SENP5: variants seen among roughly 807,000 people sequenced by gnomAD.
The protein encoded by SENP5 is SUMO specific peptidase 5, also known as sentrin-specific protease 5.
SENP5 carries 21 observed loss-of-function variants against 74.2 expected under a neutral mutation model. That is an observed-to-expected ratio of 0.28 (90% confidence interval 0.20 to 0.41). The LOEUF is 0.41. Ranked by LOEUF, SENP5 falls within the 10% of genes least tolerant of loss-of-function variation. The pLI is 1.00. For missense variants in SENP5, 717 were observed against 889.1 expected (o/e 0.81, Z 2.46); for synonymous variants, 311 against 312.7 (o/e 0.99, Z 0.06).
At chr3:196,874,654 G>A (rs1713374276) in intron 1 of SENP5, among the ~76,000 whole-genome samples, 1 of 152,218 alleles carries the variant, frequency 6.6e-6, no homozygotes, top group African/African-American at 2.4e-5. Context: ...GCTGAGTTGG[G>A]TGGATCACCT....
At chr3:196,872,491 T>TA (rs1258477219) in intron 1 of SENP5, among the ~76,000 whole-genome samples, 2 of 140,734 alleles carry the variant, frequency 1.4e-5, no homozygotes, top group African/African-American at 6.5e-5. Flanking sequence ...GTATTCGTTA[T>TA]GTAAACACTC....
intron 7 of SENP5, among the ~76,000 whole-genome samples, chr3:196,925,367 C>T (rs1019220616): frequency 3.3e-5 from 5 of 152,176 alleles, no homozygotes; most frequent in African/African-American, 1.2e-4. Context: ...CAGATGTGAG[C>T]GTCTTTTCCA....
At chr3:196,879,856 C>T (rs563624756) in intron 1 of SENP5, among the ~76,000 whole-genome samples, 7 of 152,004 alleles carry the variant, frequency 4.6e-5, no homozygotes, top group Admixed American at 3.9e-4. Flanking sequence ...CTTTTAACTT[C>T]GAAATAACTT....
At chr3:196,917,465 C>T (rs543365892) in intron 6 of SENP5, among the ~76,000 whole-genome samples, 1 of 152,058 alleles carries the variant, frequency 6.6e-6, no homozygotes, top group African/African-American at 2.4e-5. Context: ...ACAAGAAGGT[C>T]CTAGAACACC....
At chr3:196,911,800 A>G (rs1309286640) in intron 6 of SENP5, among the ~76,000 whole-genome samples, 1 of 151,502 alleles carries the variant, frequency 6.6e-6, no homozygotes, top group African/African-American at 2.4e-5. Flanking sequence ...CAAGAGCAAG[A>G]CTCCGTCTCA....
chr3:196,912,272 G>A (rs567706178), intron 6 of SENP5, among the ~76,000 whole-genome samples: 21 of 152,260 alleles, frequency 1.4e-4, no homozygotes, highest in African/African-American at 5.1e-4. Context: ...TCCTTTGAAG[G>A]GACAAGGATG....
Position 196,923,406 on chromosome 3 carries a change from T to C in SENP5, c.1885-8T>C. ...GATGGCTGCATTTCTTTCTCTTTTC[T>C]TGATCAGGTGGATTTGTTTAAAAAG... On this transcript the variant is annotated splice_region_variant and splice_polypyrimidine_tract_variant and intron_variant, in intron 6 of 9. Transcript: ENST00000323460. 1 of 1,594,542 alleles carries C rather than the reference T, an allele frequency of 6.3e-7. No individual in the cohort carries two copies. The highest frequency in any genetic ancestry group is 8.5e-7 in the Non-Finnish European group (1 of 1,174,432).
At chr3:196,908,779 C>T (rs140720851) in intron 6 of SENP5, among the ~76,000 whole-genome samples, 296 of 152,142 alleles carry the variant, frequency 1.9e-3, no homozygotes, top group African/African-American at 6.7e-3. Context: ...GCTGAGATTG[C>T]GCCATTGCAC....
intron 2 of SENP5, among the ~76,000 whole-genome samples, chr3:196,897,367 A>ATG (rs1714486847): frequency 2.6e-5 from 4 of 152,156 alleles, no homozygotes; most frequent in Admixed American, 6.6e-5. Flanking sequence ...AGAAGCCCCA[A>ATG]ATCTTTATCT....
Position 196,885,422 on chromosome 3 carries a change from A to C in SENP5, c.241A>C (p.Lys81Gln). Residue 81 changes from lysine to glutamine, a missense_variant, in exon 2 of 10, where the codon AAG becomes CAG. Lys to Gln is a moderately conservative substitution (Grantham distance 53, BLOSUM62 1). Around this residue, in one of 4 missense-constraint regions of SENP5, gnomAD observed 567 missense variants for 577.4 expected, o/e 0.98. Transcript: ENST00000323460. ...IKDEPLCAKT[K>Q]FNVATQNVST... ...GGATGAACCCCTTTGTGCTAAGACC[A>C]AGTTCAATGTGGCTACTCAAAATGT... is the stretch of plus-strand genomic sequence containing the variant. The C allele has an allele frequency of 6.2e-7, 1 of 1,614,172 alleles. No individual in the cohort carries two copies. The highest frequency in any genetic ancestry group is 2.2e-5 in the East Asian group (1 of 44,880).
intron 1 of SENP5, among the ~76,000 whole-genome samples, chr3:196,870,221 G>A (rs1037233175): frequency 1.3e-5 from 2 of 152,164 alleles, no homozygotes; most frequent in Non-Finnish European, 1.5e-5. Context: ...GGGTCAACTG[G>A]TAAGGTGGTC....
intron 6 of SENP5, among the ~76,000 whole-genome samples, chr3:196,921,722 A>G (rs1715627145): frequency 6.6e-6 from 1 of 152,234 alleles, no homozygotes; most frequent in Non-Finnish European, 1.5e-5. Context: ...TGGATGCAGA[A>G]ACTGAAAAGC....
intron 1 of SENP5, among the ~76,000 whole-genome samples, chr3:196,872,482 T>C (rs1713259180): frequency 6.6e-6 from 1 of 150,904 alleles, no homozygotes; most frequent in African/African-American, 2.5e-5. Flanking sequence ...GAGGTCTTAG[T>C]ATTCGTTATG....
intron 1 of SENP5, among the ~76,000 whole-genome samples, chr3:196,872,890 G>A (rs1039277705): frequency 6.6e-6 from 1 of 152,092 alleles, no homozygotes; most frequent in African/African-American, 2.4e-5. Context: ...GTGTCTGCAA[G>A]GATGGGTAGG....
At chr3:196,889,077 C>T (rs1714098415) in intron 2 of SENP5, among the ~76,000 whole-genome samples, 1 of 151,840 alleles carries the variant, frequency 6.6e-6, no homozygotes, top group South Asian at 2.1e-4. Context: ...GATCGTGCCA[C>T]TGCACTCCAG....
chr3:196,875,882 A>G (rs1287489403), intron 1 of SENP5, among the ~76,000 whole-genome samples: 2 of 151,972 alleles, frequency 1.3e-5, no homozygotes, highest in East Asian at 3.9e-4. Context: ...GGCATGTACC[A>G]CCACTTTTGG....
At chr3:196,872,443 G>T (rs1713257400) in intron 1 of SENP5, among the ~76,000 whole-genome samples, 1 of 152,170 alleles carries the variant, frequency 6.6e-6, no homozygotes, top group Non-Finnish European at 1.5e-5. Context: ...GCTTCCAGCA[G>T]TCTGGCTTCT....
intron 6 of SENP5, chr3:196,904,899 C>G (rs1225451812): frequency 3.3e-5 from 5 of 152,088 alleles, no homozygotes; most frequent in Non-Finnish European, 5.9e-5. Context: ...TCCTTAGCAA[C>G]ATTGATTCAT....
At chr3:196,914,432 G>C (rs1443199720) in intron 6 of SENP5, 1 of 151,056 alleles carries the variant, frequency 6.6e-6, no homozygotes, top group Non-Finnish European at 1.5e-5. Context: ...TATTGTGATT[G>C]ATGTCTCCCT....
Sources: gnomAD v4.1 joint callset for allele counts (sites outside exome capture counted in the v4.1 genomes callset) on GRCh38, gnomAD v4.1.1 for gene constraint, gnomAD v4.1.1 regional missense constraint, MANE v1.5 for transcripts, NCBI Gene and HGNC (gene_info 2026-07-23, HGNC 2026-07-21) for gene names.